The following ZNF74 variants were observed in gnomAD, a reference collection of about 807,000 sequenced individuals.
The protein encoded by ZNF74 is zinc finger protein 520.
Under a neutral mutation model 17.7 loss-of-function variants are expected in ZNF74, and 12 were observed. The ratio of observed to expected loss-of-function variants is 0.68; its 90% CI spans 0.43 to 1.10. The LOEUF (loss-of-function observed/expected upper bound fraction) is 1.10, where lower values mean the gene tolerates loss of function less well. Among genes scored for constraint, ZNF74 ranks in the 50% least tolerant of loss-of-function variants. The pLI, the probability that ZNF74 is intolerant of heterozygous loss-of-function variation, is 0.00. For synonymous variants in ZNF74, 358 were observed against 362.1 expected (o/e 0.99, Z 0.13); for missense variants, 811 against 881.0 (o/e 0.92, Z 1.01).
intron 2 of ZNF74, among the ~76,000 whole-genome samples, 173 bp downstream of exon 2, chr22:20,395,591 G>A (rs1047119829): frequency 6.6e-6 from 1 of 152,204 alleles, no homozygotes; most frequent in Non-Finnish European, 1.5e-5. Flanking sequence ...TGCCCGAGGT[G>A]TGCCCTCGAG....
rs1296702783 is a variant in ZNF74, at chr22:20,406,620, G to A, written c.1587G>A (p.Lys529=). ...QRIHTGEKPY[K]CSECGRAFSQ... is the part of the protein sequence containing the mutation. Reference sequence around the variant, plus strand: ...TCCACACCGGTGAGAAGCCCTACAAGTGCAGCGAGTGCGGCAGAGCCTTCA... The same window carrying A: ...TCCACACCGGTGAGAAGCCCTACAAATGCAGCGAGTGCGGCAGAGCCTTCA... The change falls in exon 5 of 5, where the codon AAG becomes AAA. Residue 529 remains lysine, a synonymous_variant. Coordinates refer to ENST00000400451, the MANE Select transcript of ZNF74 (RefSeq NM_003426.4). The A allele has an allele frequency of 1.2e-6, 2 of 1,614,264 alleles. No individual in the cohort carries two copies. The highest frequency in any genetic ancestry group is 1.1e-5 in the South Asian group (1 of 91,092).
intron 4 of ZNF74, among the ~76,000 whole-genome samples, chr22:20,405,067 C>T (rs755256256): frequency 2.0e-5 from 3 of 152,230 alleles, no homozygotes; most frequent in Non-Finnish European, 4.4e-5. Context: ...CAACAGCTCC[C>T]AAGCTTGCCC....
chr22:20,401,207 G>C lies in ZNF74; in HGVS notation c.248-70G>C. The C allele has an allele frequency of 2.0e-6, 2 of 1,004,798 alleles. No homozygotes were observed. The highest frequency in any genetic ancestry group is 2.9e-5 in the South Asian group (2 of 69,388). 62.2% of individuals were successfully genotyped at this position (1,004,798 alleles called of 1,614,324 possible). ...CTTCACAGGCATTGTCCTTGTTAGG[G>C]GGCGGCCTGTAAGGTCGACTGGGCC... On this transcript the variant is annotated intron_variant, in intron 3 of 4. Coordinates refer to ENST00000400451, the MANE Select transcript of ZNF74 (RefSeq NM_003426.4). The surrounding 1 kb of genome is among the most constrained non-coding windows in gnomAD (Gnocchi z 4.2).
chr22:20,394,760 TC>T, intron 1 of ZNF74, 98 bp downstream of exon 1: 10 of 1,084,766 alleles, frequency 9.2e-6, no homozygotes, highest in East Asian at 2.5e-5. Flanking sequence ...GCATCCAGCA[TC>T]TTTTTTTTTT....
In ZNF74 at chr22:20,405,931, G is replaced by C. The variant is rs200303466; in HGVS notation, c.898G>C (p.Gly300Arg). 39 of 1,613,834 alleles carry C rather than the reference G, an allele frequency of 2.4e-5. No individual in the cohort carries two copies. The highest frequency in any genetic ancestry group is 3.1e-5 in the Non-Finnish European group (37 of 1,179,950). ...NLLEHRRIHT[G>R]EKPFFCGECG... ...TCTGGAGCACCGGCGCATCCACACCGGCGAGAAGCCCTTCTTCTGCGGCGA... is the reference window on the plus strand; with the variant it reads ...TCTGGAGCACCGGCGCATCCACACCCGCGAGAAGCCCTTCTTCTGCGGCGA... Residue 300 changes from glycine (G) to arginine (R), a missense_variant, in exon 5 of 5, where the codon GGC becomes CGC. Gly to Arg is a moderately radical substitution (Grantham distance 125, BLOSUM62 -2). Coordinates refer to ENST00000400451, the MANE Select transcript of ZNF74 (RefSeq NM_003426.4).
Position 20,395,321 on chromosome 22 carries a change from C to G in ZNF74, c.35-12C>G, listed in dbSNP as rs372970401. 15 of 1,589,762 alleles carry G rather than the reference C, an allele frequency of 9.4e-6. No homozygotes were observed. Among genetic ancestry groups the G allele is most frequent in the Non-Finnish European group, 9.5e-6 (11 of 1,161,198 alleles). The stretch of plus-strand genomic sequence containing the variant: ...TGGTAGCCGTGACCTTGACTCATTT[C>G]TCCTTCGCCAGCTCTTTCCTCTCAG... On this transcript the variant is annotated splice_polypyrimidine_tract_variant and intron_variant, in intron 1 of 4. Transcript: ENST00000400451.
rs2052415820 is a variant in ZNF74 at position 20,405,903 on chromosome 22, C to A, written c.870C>A (p.Asn290Lys). The change falls in exon 5 of 5, where the codon AAC becomes AAA. Residue 290 changes from asparagine to lysine, a missense_variant. This residue lies in a region of ZNF74 where 666 missense variants were observed against 702.3 expected (regional missense o/e 0.95). Coordinates refer to ENST00000400451, the MANE Select transcript of ZNF74 (RefSeq NM_003426.4). ...ECGKAFTWST[N>K]LLEHRRIHTG... is the part of the protein sequence containing the mutation. ...GCAAGGCCTTCACCTGGAGCACCAA[C>A]CTTCTGGAGCACCGGCGCATCCACA... 5.0e-6 allele frequency: 8 copies of A among 1,613,802 alleles called. No individual in the cohort carries two copies. The highest frequency in any genetic ancestry group is 6.8e-6 in the Non-Finnish European group (8 of 1,179,922).
chr22:20,405,733 C>G lies in ZNF74; in HGVS notation c.700C>G (p.Gln234Glu), dbSNP rs757396028. 19 of 1,603,534 alleles carry G rather than the reference C, an allele frequency of 1.2e-5. No homozygotes were observed. Among genetic ancestry groups the G allele is most frequent in the Non-Finnish European group, 1.6e-5 (19 of 1,175,630 alleles). Residue 234 changes from glutamine (Q) to glutamate (E), a missense_variant, in exon 5 of 5, where the codon CAG becomes GAG. Around this residue, in one of 3 missense-constraint regions of ZNF74, gnomAD observed 666 missense variants for 702.3 expected, o/e 0.95. Transcript: ENST00000400451. ...STPSEPEKFP[Q>E]VRRQRGAGAG... ...GCCAAGTGAGCCAGAAAAGTTCCCC[C>G]AGGTGCGCCGGCAGCGCGGGGCGGG...
rs1265574765 is a variant in ZNF74, at chr22:20,408,060, C to T, written c.*1092C>T. ...CTGGTGAGGCTGCCCTGCAGGGCTT[C>T]TCACTATGTAGCACCAGTCACCAGC... On this transcript the variant is annotated 3_prime_UTR_variant, in exon 5 of 5. Transcript: ENST00000400451. The T allele has an allele frequency of 6.6e-6, 1 of 152,188 alleles. No homozygotes were observed. The highest frequency in any genetic ancestry group is 2.4e-5 in the African/African-American group (1 of 41,422). The allele number at this position is 152,188 out of a possible 1,614,324, so 9.4% of individuals were successfully genotyped here. A position where few individuals can be genotyped will look rare whatever the true frequency, so the allele number is the denominator to read the frequency against.
intron 2 of ZNF74, among the ~76,000 whole-genome samples, chr22:20,397,048 T>C (rs1383714160): frequency 6.6e-6 from 1 of 150,884 alleles, no homozygotes; most frequent in African/African-American, 2.4e-5. Flanking sequence ...TTCTGATACC[T>C]GTGGAGCTAT....
At position 20,406,802 on chromosome 22, in the gene ZNF74, A is replaced by C. The variant is rs2052436452; in HGVS notation, c.1769A>C (p.Lys590Thr). The part of the protein sequence containing the change: ...EGKPLAIQFN[K>T]HLLSTYYVPG... ...AAGCCCTTGGCCATCCAGTTCAACAAACACCTGCTCAGCACATACTACGTG... is the reference window on the plus strand; with the variant it reads ...AAGCCCTTGGCCATCCAGTTCAACACACACCTGCTCAGCACATACTACGTG... The change falls in exon 5 of 5, where the codon AAA becomes ACA. Residue 590 changes from lysine (K) to threonine (T), a missense_variant. Lys to Thr is a moderately conservative substitution (Grantham distance 78). Around this residue, in one of 3 missense-constraint regions of ZNF74, gnomAD observed 115 missense variants for 119.5 expected, o/e 0.96. Transcript: ENST00000400451. 5 of 1,614,146 alleles carry C rather than the reference A, an allele frequency of 3.1e-6. No homozygotes were observed. Among genetic ancestry groups the C allele is most frequent in the Non-Finnish European group, 4.2e-6 (5 of 1,180,034 alleles).
Position 20,394,404 on chromosome 22 carries a change from G to A in ZNF74, c.-225G>A. 1.5e-6 allele frequency: 1 copy of A among 648,162 alleles called. No homozygotes were observed. The highest frequency in any genetic ancestry group is 1.7e-5 in the South Asian group (1 of 59,770). 40.2% of individuals were successfully genotyped at this position (648,162 alleles called of 1,614,324 possible). ...TGCGCCGAGCATGGGGCTGAGCCTGGTGTGGGGAGTGGGTATCTGCGGAGC... is the reference window on the plus strand; with the variant it reads ...TGCGCCGAGCATGGGGCTGAGCCTGATGTGGGGAGTGGGTATCTGCGGAGC... On this transcript the variant is annotated 5_prime_UTR_variant, in exon 1 of 5. The change creates a new upstream start codon in the 5' untranslated region. Transcript: ENST00000400451.
Position 20,406,845 on chromosome 22 carries a change from T to G in ZNF74, c.1812T>G (p.Gly604=), listed in dbSNP as rs2052437411. The change falls in exon 5 of 5, where the codon GGT becomes GGG. Residue 604 remains glycine (G), a synonymous_variant. Transcript: ENST00000400451. ...STYYVPGSLL[G]AGDAGLRDVD... ...ACTACGTGCCTGGCAGCCTGCTGGG[T>G]GCAGGGGATGCTGGACTGAGGGACG... 6.2e-7 allele frequency: 1 copy of G among 1,614,000 alleles called. No homozygotes were observed. The highest frequency in any genetic ancestry group is 8.5e-7 in the Non-Finnish European group (1 of 1,180,012).
At chr22:20,404,481 T>C (rs2052390899) in intron 4 of ZNF74, among the ~76,000 whole-genome samples, 1 of 152,080 alleles carries the variant, frequency 6.6e-6, no homozygotes, top group Admixed American at 6.6e-5. Context: ...ACAGGTACCA[T>C]CATTCCTGGC....
intron 2 of ZNF74, chr22:20,399,716 G>C (rs1047756978): frequency 2.2e-5 from 6 of 267,514 alleles, no homozygotes; most frequent in Non-Finnish European, 4.4e-5. Context: ...GGCCTCCCAA[G>C]TGCTGGGATT....
chr22:20,403,005 C>T (rs942424679), intron 4 of ZNF74, among the ~76,000 whole-genome samples: 37 of 152,130 alleles, frequency 2.4e-4, no homozygotes, highest in South Asian at 6.2e-4. Flanking sequence ...TATGCACCCT[C>T]GGAAGCACAG....
At chr22:20,403,953 A>G (rs1266532880) in intron 4 of ZNF74, among the ~76,000 whole-genome samples, 1 of 151,662 alleles carries the variant, frequency 6.6e-6, no homozygotes, top group Admixed American at 6.6e-5. Flanking sequence ...TTACTGTCTC[A>G]CCTCTGAGCT....
chr22:20,400,766 C>T lies in ZNF74; in HGVS notation c.247+8C>T, dbSNP rs2052348421. On this transcript the variant is annotated splice_region_variant and intron_variant, in intron 3 of 4. Coordinates refer to ENST00000400451, the MANE Select transcript of ZNF74 (RefSeq NM_003426.4). ...AGAACCTTCTTGCCCTAGGTAAAAT[C>T]CCCCCAGCCCCAGGCTGGGCGTCGG... 1.2e-6 allele frequency: 2 copies of T among 1,613,384 alleles called. No homozygotes were observed. The highest frequency in any genetic ancestry group is 1.7e-6 in the Non-Finnish European group (2 of 1,179,510).
chr22:20,395,511 G>A, intron 2 of ZNF74, 93 bp downstream of exon 2: 9 of 964,242 alleles, frequency 9.3e-6, no homozygotes, highest in Non-Finnish European at 1.4e-5. Context: ...ACCTTCACCC[G>A]GGTACCTGCT....
Sources: gnomAD v4.1 joint callset for allele counts (sites outside exome capture counted in the v4.1 genomes callset) on GRCh38, gnomAD v4.1.1 for gene constraint, gnomAD v4.1.1 regional missense constraint, Gnocchi (gnomAD v3.1) non-coding constraint, MANE v1.5 for transcripts, NCBI Gene and HGNC (gene_info 2026-07-23, HGNC 2026-07-21) for gene names.